CLVS1: variants seen among roughly 807,000 people sequenced by gnomAD.
CLVS1 encodes the protein clavesin-1.
A neutral mutation model predicts 33.1 loss-of-function variants in CLVS1; 10 were observed. The ratio of observed to expected loss-of-function variants is 0.30; its 90% CI spans 0.19 to 0.51. CLVS1 has a LOEUF of 0.51. Among genes scored for constraint, CLVS1 ranks in the 20% least tolerant of loss-of-function variants. The pLI is 0.97. For synonymous variants in CLVS1, 163 were observed against 166.1 expected, an observed-to-expected ratio of 0.98 and a Z score of 0.14; for missense variants, 343 against 433.4, an observed-to-expected ratio of 0.79 and a Z score of 1.85.
intron 2 of CLVS1, among the ~76,000 whole-genome samples, chr8:61,201,513 G>A (rs181342368): frequency 1.1e-4 from 17 of 152,252 alleles, no homozygotes; most frequent in African/African-American, 2.9e-4. Context: ...TGTTTCTTTC[G>A]TAGGACAGCT....
At chr8:61,013,486 G>A in the CLVS1 span, among the ~76,000 whole-genome samples, 15 of 152,058 alleles carry the variant, frequency 9.9e-5, no homozygotes, top group Non-Finnish European at 1.5e-4. Flanking sequence ...TCTCTCTCTC[G>A]GTCCTTTGGT....
intron 2 of CLVS1, among the ~76,000 whole-genome samples, chr8:61,363,705 CT>C (rs749511752): frequency 1.3e-5 from 2 of 152,142 alleles, no homozygotes; most frequent in African/African-American, 2.4e-5. Context: ...TATGTTTGTT[CT>C]TTTGTGAACT....
rs1434535855 is a variant in CLVS1 at position 61,384,349 on chromosome 8, G to A, written c.630+7570G>A. On this transcript the variant is annotated intron_variant, in intron 3 of 5. Coordinates refer to ENST00000325897, the MANE Select transcript of CLVS1 (RefSeq NM_173519.3). Reference sequence around the variant, plus strand: ...TATTTCACATGGGATTAATTTGGTGGCTATGAGCAGGGAGGGGTTAGAGGC... The same window carrying A: ...TATTTCACATGGGATTAATTTGGTGACTATGAGCAGGGAGGGGTTAGAGGC... Among the ~76,000 whole-genome samples, 5 of 152,206 alleles carry A rather than the reference G, an allele frequency of 3.3e-5. No individual in the cohort carries two copies. In the East Asian group the frequency reaches 9.6e-4, roughly 29 times the overall value.
intron 3 of CLVS1, among the ~76,000 whole-genome samples, chr8:61,386,248 A>G (rs971473693): frequency 6.6e-6 from 1 of 152,206 alleles, no homozygotes; most frequent in African/African-American, 2.4e-5. Flanking sequence ...GTGTGAGGGT[A>G]AGAATTTGCA....
At chr8:61,112,618 C>T (rs956260770) in intron 1 of CLVS1, among the ~76,000 whole-genome samples, 4 of 152,146 alleles carry the variant, frequency 2.6e-5, no homozygotes, top group African/African-American at 7.2e-5. Flanking sequence ...AAGTAAGGTA[C>T]TTGTTGCCTC....
chr8:61,329,727 T>G (rs899002594), intron 2 of CLVS1, among the ~76,000 whole-genome samples: 1 of 152,212 alleles, frequency 6.6e-6, no homozygotes, highest in Non-Finnish European at 1.5e-5. Flanking sequence ...ACTTTGTAAA[T>G]ATTATTTATA....
chr8:61,413,426 TC>T (rs1432777804), intron 3 of CLVS1, among the ~76,000 whole-genome samples: 2 of 152,156 alleles, frequency 1.3e-5, no homozygotes, highest in African/African-American at 2.4e-5. Flanking sequence ...GGGGTTTTAT[TC>T]AAGGCTTACA....
rs549955338 is a variant in CLVS1 at position 61,240,894 on chromosome 8, G to GTTTTTT, written c.-151-58771_-151-58766dup. 1.9e-3 allele frequency among the ~76,000 whole-genome samples: 242 copies of GTTTTTT among 130,590 alleles called. 6 individuals carry two copies. The highest frequency in any genetic ancestry group is 9.2e-3 in the East Asian group (34 of 3,692). 85.7% of individuals were successfully genotyped at this position (130,590 alleles called of 152,430 possible). ...CTAAAATGAATGATGTTTGCTGTAG[G>GTTTTTT]TTTTTTTTTTTTTTTTTAAAATAGA... is the stretch of plus-strand genomic sequence containing the variant. On this transcript the variant is annotated intron_variant, in intron 2 of 2. Coordinates refer to the CLVS1 transcript ENST00000522621.
intron 3 of CLVS1, among the ~76,000 whole-genome samples, chr8:61,397,086 T>C (rs1814556433): frequency 2.6e-5 from 4 of 152,202 alleles, no homozygotes; most frequent in Admixed American, 2.6e-4. Flanking sequence ...GATAACTCTA[T>C]ATTTAACATT....
intron 2 of CLVS1, among the ~76,000 whole-genome samples, chr8:61,316,901 T>C (rs1563492793): frequency 6.6e-6 from 1 of 152,166 alleles, no homozygotes; most frequent in Non-Finnish European, 1.5e-5. Flanking sequence ...AAGATAATAG[T>C]ATCTACCTCT....
intron 1 of CLVS1, among the ~76,000 whole-genome samples, chr8:61,109,139 A>G (rs1042234161): frequency 9.2e-5 from 14 of 152,038 alleles, no homozygotes; most frequent in African/African-American, 3.4e-4. Context: ...AGAGGCTGCT[A>G]TGCATTCTGG....
chr8:61,223,926 C>G (rs994784277), intron 2 of CLVS1, among the ~76,000 whole-genome samples: 1 of 151,810 alleles, frequency 6.6e-6, no homozygotes, highest in African/African-American at 2.4e-5. Flanking sequence ...AGGTGGTCTT[C>G]AAACTCTGAT....
chr8:61,002,591 C>A, the CLVS1 span, among the ~76,000 whole-genome samples: 1 of 152,050 alleles, frequency 6.6e-6, no homozygotes, highest in African/African-American at 2.4e-5. Flanking sequence ...CTCGGCCTCC[C>A]AAACTGCTGG....
At chr8:61,440,807 T>C (rs1816511665) in intron 3 of CLVS1, among the ~76,000 whole-genome samples, 1 of 152,216 alleles carries the variant, frequency 6.6e-6, no homozygotes, top group East Asian at 1.9e-4. Flanking sequence ...ACTGGGTTGG[T>C]ACAGCTTCTC....
In CLVS1 at chr8:61,300,077, A is replaced by G; in HGVS notation, c.250A>G (p.Lys84Glu). 1.2e-6 allele frequency: 2 copies of G among 1,614,020 alleles called. No homozygotes were observed. The highest frequency in any genetic ancestry group is 1.7e-6 in the Non-Finnish European group (2 of 1,179,966). The change falls in exon 2 of 6, where the codon AAG (lysine) becomes GAG (glutamate). Residue 84 changes from lysine to glutamate, a missense_variant. By Grantham distance (56) the Lys-to-Glu change is moderately conservative. Coordinates refer to ENST00000325897, the MANE Select transcript of CLVS1 (RefSeq NM_173519.3). ...CATCCTGAGATTTCTCCGAGCCAGG[A>G]AGTTTCACCAAGCGGATGCCTTTAG... is the stretch of plus-strand genomic sequence containing the variant. Reference protein sequence around the residue: ...AFILRFLRARKFHQADAFRLL... With the variant: ...AFILRFLRAREFHQADAFRLL...
At chr8:61,365,104 TA>T (rs573543959) in intron 2 of CLVS1, among the ~76,000 whole-genome samples, 78 of 152,296 alleles carry the variant, frequency 5.1e-4, no homozygotes, top group African/African-American at 1.9e-3. Context: ...ATTTTTCTTT[TA>T]AAAAGCCTCA....
At chr8:60,990,073 C>T in the CLVS1 span, among the ~76,000 whole-genome samples, 11 of 139,190 alleles carry the variant, frequency 7.9e-5, no homozygotes, top group African/African-American at 2.7e-4. Context: ...TGCAGTGAGC[C>T]GAGATCGCGT....
chr8:61,055,751 AT>A (rs1804464165), upstream of CLVS1, among the ~76,000 whole-genome samples: 1 of 152,220 alleles, frequency 6.6e-6, no homozygotes, highest in Admixed American at 6.5e-5. Context: ...AGCCTCTGGT[AT>A]ATTGGTCAAG....
At chr8:61,069,851 C>T (rs551208550) in intron 1 of CLVS1, among the ~76,000 whole-genome samples, 3 of 152,130 alleles carry the variant, frequency 2.0e-5, no homozygotes, top group Admixed American at 1.3e-4. Flanking sequence ...AGTGCAGTGG[C>T]GCGATCTTGG....
Sources: gnomAD v4.1 joint callset for allele counts (sites outside exome capture counted in the v4.1 genomes callset) on GRCh38, gnomAD v4.1.1 for gene constraint, MANE v1.5 for transcripts, NCBI Gene and HGNC (gene_info 2026-07-23, HGNC 2026-07-21) for gene names.